TASP1: variants seen among roughly 807,000 people sequenced by gnomAD.
The protein encoded by TASP1 is taspase 1, also known as threonine aspartase 1.
TASP1 carries 16 observed loss-of-function variants against 56.6 expected under a neutral mutation model. That is an observed-to-expected ratio of 0.28 (90% CI 0.19 to 0.43). TASP1 has a LOEUF of 0.43. Ranked by LOEUF, TASP1 falls within the 20% of genes least tolerant of loss-of-function variation. TASP1 has a pLI of 1.00. For missense variants in TASP1, 393 were observed against 511.6 expected (o/e 0.77, Z 2.24); for synonymous variants, 179 against 184.2 (o/e 0.97, Z 0.23).
At chr20:13,123,751 A>G in the TASP1 span, among the ~76,000 whole-genome samples, 5 of 152,104 alleles carry the variant, frequency 3.3e-5, no homozygotes, top group Non-Finnish European at 7.4e-5. Flanking sequence ...CTCTGCATCT[A>G]TCCAAATCTC....
chr20:13,496,742 C>T (rs753826838), intron 10 of TASP1, among the ~76,000 whole-genome samples: 1 of 152,106 alleles, frequency 6.6e-6, no homozygotes, highest in African/African-American at 2.4e-5. Context: ...AAAACAGATC[C>T]CTGAAATTTC....
At chr20:13,305,115 T>C in the TASP1 span, among the ~76,000 whole-genome samples, 14 of 151,528 alleles carry the variant, frequency 9.2e-5, no homozygotes, top group African/African-American at 2.7e-4. Context: ...GGTTTTGCTA[T>C]GGGTGATAAA....
the TASP1 span, among the ~76,000 whole-genome samples, chr20:13,143,899 G>T: frequency 6.6e-6 from 1 of 152,116 alleles, no homozygotes; most frequent in African/African-American, 2.4e-5. Flanking sequence ...TCAGACATTT[G>T]CTGCCACCTT....
intron 1 of TASP1, among the ~76,000 whole-genome samples, chr20:13,632,474 G>A (rs1408701319): frequency 6.6e-6 from 1 of 151,982 alleles, no homozygotes; most frequent in Non-Finnish European, 1.5e-5. Context: ...TAATATATAT[G>A]AGAGATTTTA....
At chr20:13,350,845 G>A in the TASP1 span, among the ~76,000 whole-genome samples, 1 of 151,884 alleles carries the variant, frequency 6.6e-6, no homozygotes, top group African/African-American at 2.4e-5. Context: ...GACTACAGGT[G>A]CATACCACCA....
intron 11 of TASP1, among the ~76,000 whole-genome samples, chr20:13,441,335 C>T (rs1480159747): frequency 6.6e-6 from 1 of 152,192 alleles, no homozygotes; most frequent in Non-Finnish European, 1.5e-5. Flanking sequence ...CTGCATACAT[C>T]TAGTTGAGCA....
At chr20:13,395,191 C>G (rs1004001381) in intron 13 of TASP1, among the ~76,000 whole-genome samples, 1 of 152,186 alleles carries the variant, frequency 6.6e-6, no homozygotes, top group Non-Finnish European at 1.5e-5. Flanking sequence ...GCCCTTGAGT[C>G]TTGTCCATTT....
rs2041209013 is a variant in TASP1 at position 13,389,874 on chromosome 20, A to G, written c.*486T>C. 6.4e-6 allele frequency: 1 copy of G among 156,394 alleles called. No individual in the cohort carries two copies. Among genetic ancestry groups the G allele is most frequent in the Admixed American group, 6.2e-5 (1 of 16,124 alleles). 9.7% of individuals were successfully genotyped at this position (156,394 alleles called of 1,614,324 possible). On this transcript the variant is annotated 3_prime_UTR_variant, in exon 14 of 14. Coordinates refer to ENST00000337743, the MANE Select transcript of TASP1 (RefSeq NM_017714.3). ...GGTTAACAAATAAAAACACTTTATT[A>G]CTTATTACTGTTATTAAATGGAGCA...
chr20:13,635,387 CT>C (rs34767488), intron 1 of TASP1, among the ~76,000 whole-genome samples: 226 of 129,240 alleles, frequency 1.7e-3, no homozygotes, highest in Admixed American at 2.4e-3. Context: ...TCAGCAATTT[CT>C]TTTTTTTTTT....
At chr20:13,110,282 G>A in the TASP1 span, 8 of 1,360,608 alleles carry the variant, frequency 5.9e-6, no homozygotes, top group Non-Finnish European at 8.2e-6. Flanking sequence ...AGTGCGGAAA[G>A]GCTCACCTTT....
intron 6 of TASP1, among the ~76,000 whole-genome samples, chr20:13,574,633 A>AT (rs56095842): frequency 0.74 from 112,464 of 152,048 alleles, 42,244 homozygotes; most frequent in African/African-American, 0.88. Flanking sequence ...CATGGAAGAC[A>AT]TTTTTTAAAG....
chr20:13,270,124 G>C, the TASP1 span, among the ~76,000 whole-genome samples: 1 of 152,226 alleles, frequency 6.6e-6, no homozygotes, highest in African/African-American at 2.4e-5. Flanking sequence ...CTGGACACTA[G>C]AGCTATAACT....
At chr20:13,466,307 AATCTTATTTTGAG>A (rs2044257640) in intron 11 of TASP1, among the ~76,000 whole-genome samples, 2 of 152,212 alleles carry the variant, frequency 1.3e-5, no homozygotes, top group Non-Finnish European at 2.9e-5. Context: ...AAACGTGTGA[AATCTTATTTTGAG>A]CAGCTATATC....
At chr20:13,605,503 C>A (rs1305801869) in intron 4 of TASP1, among the ~76,000 whole-genome samples, 4 of 151,962 alleles carry the variant, frequency 2.6e-5, no homozygotes, top group African/African-American at 7.3e-5. Flanking sequence ...CACAGTAGGA[C>A]CCCATCTCTC....
chr20:13,139,384 A>G, the TASP1 span, among the ~76,000 whole-genome samples: 6 of 152,350 alleles, frequency 3.9e-5, no homozygotes, highest in East Asian at 1.2e-3. Flanking sequence ...GGCTTAACAC[A>G]ATAGAAATTC....
the TASP1 span, among the ~76,000 whole-genome samples, chr20:13,362,140 G>A: frequency 3.4e-3 from 509 of 149,474 alleles, 1 homozygote; most frequent in African/African-American, 0.012. Context: ...GAGAAACATC[G>A]CCCATTCTCT....
the TASP1 span, chr20:13,279,533 A>C: frequency 8.6e-7 from 1 of 1,157,678 alleles, no homozygotes; most frequent in African/African-American, 1.6e-5. Context: ...CAACGGATGC[A>C]TCCATCATTT....
chr20:13,369,542 C>T, the TASP1 span, among the ~76,000 whole-genome samples: 1 of 152,220 alleles, frequency 6.6e-6, no homozygotes, highest in African/African-American at 2.4e-5. Context: ...AGAGATGGTG[C>T]ATGGGTCACA....
chr20:13,421,110 T>C (rs1261775711), intron 12 of TASP1, among the ~76,000 whole-genome samples: 1 of 27,392 alleles, frequency 3.7e-5, no homozygotes, highest in African/African-American at 7.1e-5. Flanking sequence ...TTTTCCTTCT[T>C]TTTTTTTTTT....
Sources: gnomAD v4.1 joint callset for allele counts (sites outside exome capture counted in the v4.1 genomes callset) on GRCh38, gnomAD v4.1.1 for gene constraint, MANE v1.5 for transcripts, NCBI Gene and HGNC (gene_info 2026-07-23, HGNC 2026-07-21) for gene names.